Variants in ANKS1B observed in about 807,000 individuals in gnomAD.
ANKS1B encodes ankyrin repeat and sterile alpha motif domain containing 1B, also known as ankyrin repeat and sterile alpha motif domain-containing protein 1B.
ANKS1B carries 36 observed loss-of-function variants against 148.3 expected under a neutral mutation model. That is an observed-to-expected ratio of 0.24 (90% CI 0.19 to 0.32). The LOEUF (loss-of-function observed/expected upper bound fraction) is 0.32. ANKS1B is among the 10% of genes least tolerant of loss of function. The pLI is 1.00. For synonymous variants in ANKS1B, 542 were observed against 560.8 expected (o/e 0.97, Z 0.47); for missense variants, 1,157 against 1,542.6 (o/e 0.75, Z 4.19).
intron 14 of ANKS1B, among the ~76,000 whole-genome samples, chr12:99,202,234 C>T (rs1477598382): frequency 2.6e-5 from 4 of 152,174 alleles, no homozygotes; most frequent in Non-Finnish European, 5.9e-5. Context: ...TAACTGGATA[C>T]ATCAGCTAAT....
chr12:99,716,328 C>T (rs766451354), intron 8 of ANKS1B, among the ~76,000 whole-genome samples: 1 of 151,882 alleles, frequency 6.6e-6, no homozygotes, highest in Non-Finnish European at 1.5e-5. Flanking sequence ...CTTATTTTGG[C>T]GCCCCGACAC....
At chr12:98,985,777 T>G (rs1265782391) in intron 17 of ANKS1B, among the ~76,000 whole-genome samples, 1 of 152,158 alleles carries the variant, frequency 6.6e-6, no homozygotes, top group Non-Finnish European at 1.5e-5. Context: ...TCTTTAAAAA[T>G]AAGTAAGAAA....
chr12:99,671,566 C>T (rs2098538285), intron 8 of ANKS1B, among the ~76,000 whole-genome samples: 1 of 151,922 alleles, frequency 6.6e-6, no homozygotes, highest in African/African-American at 2.4e-5. Flanking sequence ...TCTGGGAAAG[C>T]AGTTGTTCAG....
chr12:98,921,504 G>A (rs958578284), intron 17 of ANKS1B, among the ~76,000 whole-genome samples: 3 of 152,086 alleles, frequency 2.0e-5, no homozygotes, highest in African/African-American at 4.8e-5. Context: ...AAGCAGCTCC[G>A]TGTGTTTTCT....
At chr12:99,418,927 T>C (rs992636324) in intron 11 of ANKS1B, among the ~76,000 whole-genome samples, 1 of 152,190 alleles carries the variant, frequency 6.6e-6, no homozygotes, top group Non-Finnish European at 1.5e-5. Context: ...ATGTGGATTT[T>C]CTTCTTTATT....
intron 12 of ANKS1B, among the ~76,000 whole-genome samples, chr12:99,382,448 A>C (rs1335477851): frequency 6.6e-6 from 1 of 152,138 alleles, no homozygotes; most frequent in Non-Finnish European, 1.5e-5. Context: ...CACACGTGTA[A>C]TCCCAGCACT....
intron 9 of ANKS1B, among the ~76,000 whole-genome samples, chr12:99,615,199 A>C (rs1285812646): frequency 6.6e-6 from 1 of 152,108 alleles, no homozygotes; most frequent in Non-Finnish European, 1.5e-5. Context: ...AGACAGACAG[A>C]CAGACAGATA....
intron 9 of ANKS1B, among the ~76,000 whole-genome samples, chr12:99,585,737 C>T (rs1240020072): frequency 1.3e-5 from 2 of 152,192 alleles, no homozygotes; most frequent in African/African-American, 4.8e-5. Flanking sequence ...AGGACCAACA[C>T]CACGTGGAAG....
chr12:99,758,127 G>T (rs538847336), intron 8 of ANKS1B, among the ~76,000 whole-genome samples: 1 of 151,872 alleles, frequency 6.6e-6, no homozygotes, highest in African/African-American at 2.4e-5. Flanking sequence ...ATTTTTGACC[G>T]TGAAGTCATG....
At chr12:99,343,512 T>C (rs2090229475) in intron 12 of ANKS1B, among the ~76,000 whole-genome samples, 1 of 152,052 alleles carries the variant, frequency 6.6e-6, no homozygotes, top group Non-Finnish European at 1.5e-5. Flanking sequence ...CTGAATCTCA[T>C]TGTCAGCTGC....
At chr12:99,212,614 T>C (rs1302922135) in intron 14 of ANKS1B, among the ~76,000 whole-genome samples, 1 of 152,232 alleles carries the variant, frequency 6.6e-6, no homozygotes, top group Non-Finnish European at 1.5e-5. Context: ...TGAATATTAA[T>C]TTTTACTTAT....
chr12:99,181,306 T>C (rs1469534061), intron 14 of ANKS1B, among the ~76,000 whole-genome samples: 1 of 152,062 alleles, frequency 6.6e-6, no homozygotes, highest in East Asian at 1.9e-4. Flanking sequence ...TTTCTCATAA[T>C]ATGTTTTTCT....
intron 17 of ANKS1B, among the ~76,000 whole-genome samples, chr12:98,959,193 T>C (rs1384885754): frequency 4.6e-5 from 7 of 152,222 alleles, no homozygotes; most frequent in Non-Finnish European, 8.8e-5. Context: ...CTATGTATAA[T>C]GGACAAATTA....
At chr12:99,590,156 A>C (rs2097685877) in intron 9 of ANKS1B, among the ~76,000 whole-genome samples, 1 of 152,048 alleles carries the variant, frequency 6.6e-6, no homozygotes, top group Non-Finnish European at 1.5e-5. Context: ...ATAAACATAT[A>C]TAGATATGTG....
chr12:99,827,156 C>T (rs1046292358), intron 1 of ANKS1B, among the ~76,000 whole-genome samples: 1 of 151,740 alleles, frequency 6.6e-6, no homozygotes, highest in African/African-American at 2.4e-5. Context: ...AAAATGGAGG[C>T]ATCACACATC....
At chr12:98,966,958 T>C (rs952397289) in intron 17 of ANKS1B, among the ~76,000 whole-genome samples, 31 of 151,894 alleles carry the variant, frequency 2.0e-4, no homozygotes, top group Middle Eastern at 3.4e-3. Context: ...TAAATGGGTG[T>C]AGCACACCAA....
intron 8 of ANKS1B, among the ~76,000 whole-genome samples, chr12:99,735,807 C>CAAAAAAAAAAAAAAAAAAAAAAAAAA (rs376398944): frequency 1.0e-4 from 11 of 108,950 alleles, no homozygotes; most frequent in Non-Finnish European, 1.3e-4. Flanking sequence ...GGACATATAC[C>CAAAAAAAAAAAAAAAAAAAAAAAAAA]AAAAAAAAAA....
At chr12:98,938,843 T>C (rs1286138018) in intron 17 of ANKS1B, among the ~76,000 whole-genome samples, 2 of 152,100 alleles carry the variant, frequency 1.3e-5, no homozygotes, top group Non-Finnish European at 2.9e-5. Flanking sequence ...CCATCAACTA[T>C]GGGGGTTGGG....
In ANKS1B at chr12:99,130,017, T is replaced by A. The variant is rs186973646; in HGVS notation, c.2526+24272A>T. On this transcript the variant is annotated intron_variant, in intron 15 of 26. Transcript: ENST00000683438. Reference sequence around the variant, plus strand: ...ATTTAAAATTTTAGTTATGGTCAATTTTAAGAGGAACACAATAATCTTTTT... The same window carrying A: ...ATTTAAAATTTTAGTTATGGTCAATATTAAGAGGAACACAATAATCTTTTT... Among the ~76,000 whole-genome samples the A allele has an allele frequency of 3.4e-3, 516 of 152,338 alleles. 2 individuals are homozygous for A. Among genetic ancestry groups the A allele is most frequent in the African/African-American group, 0.012 (490 of 41,590 alleles).
Sources: gnomAD v4.1 joint callset for allele counts (sites outside exome capture counted in the v4.1 genomes callset) on GRCh38, gnomAD v4.1.1 for gene constraint, MANE v1.5 for transcripts, NCBI Gene and HGNC (gene_info 2026-07-23, HGNC 2026-07-21) for gene names.